COL9A3: variants seen among roughly 807,000 people sequenced by gnomAD.
The protein encoded by COL9A3 is collagen type IX alpha 3 chain.
A neutral mutation model predicts 110.2 loss-of-function variants in COL9A3; 82 were observed. The ratio of observed to expected loss-of-function variants is 0.74; its 90% CI spans 0.62 to 0.89. COL9A3 has a LOEUF of 0.89. Among genes scored for constraint, COL9A3 ranks in the 40% least tolerant of loss-of-function variants. The pLI, the probability that COL9A3 is intolerant of heterozygous loss-of-function variation, is 0.00. For synonymous variants in COL9A3, 494 were observed against 403.8 expected (o/e 1.22, Z -2.68); for missense variants, 1,066 against 981.3 (o/e 1.09, Z -1.15).
intron 31 of COL9A3, 111 bp from the exon 32 acceptor site, chr20:62,840,431 C>T (rs1205291057): frequency 1.8e-5 from 19 of 1,050,910 alleles, no homozygotes; most frequent in Non-Finnish European, 2.5e-5. Flanking sequence ...GGCCTCTCCC[C>T]AAGTGAAGAG....
At chr20:62,819,319 A>G (rs1048482123) in intron 4 of COL9A3, 26 bp downstream of exon 4, 6 of 1,597,720 alleles carry the variant, frequency 3.8e-6, no homozygotes, top group East Asian at 2.2e-5. Context: ...CCTCCCCGCC[A>G]TGCCCCACTC....
In COL9A3 at chr20:62,833,143, CAG is replaced by C. The variant is rs1051863993; in HGVS notation, c.1368+80_1368+81del. ...TGTGGCTGGGGAACAGTCCTGGGGA[CAG>C]GGTCAAAATCTGCAGCTCCCGGTGG... On this transcript the variant is annotated intron_variant, in intron 26 of 31. Transcript: ENST00000649368. 86 of 1,222,012 alleles carry C rather than the reference CAG, an allele frequency of 7.0e-5. No individual in the cohort carries two copies. The African/African-American group carries it at 8.4e-4, about 12-fold the overall frequency. 75.7% of individuals were successfully genotyped at this position (1,222,012 alleles called of 1,614,324 possible).
chr20:62,817,509 A>T, intron 1 of COL9A3, 58 bp from the exon 2 acceptor site: 1 of 1,240,418 alleles, frequency 8.1e-7, no homozygotes, highest in South Asian at 1.3e-5. Flanking sequence ...GGAGGAGGGG[A>T]CGCCGGGTCA....
At chr20:62,836,429 C>T (rs1325692030) in intron 28 of COL9A3, 49 bp from the exon 29 acceptor site, 1 of 1,613,560 alleles carries the variant, frequency 6.2e-7, no homozygotes, top group Non-Finnish European at 8.5e-7. Context: ...GGGAATGCCT[C>T]ACCGAGGCTG....
intron 25 of COL9A3, chr20:62,832,706 T>TGGGTGGGG: frequency 3.6e-5 from 13 of 361,642 alleles, no homozygotes; most frequent in East Asian, 1.3e-4. Context: ...GTGCCTGCTC[T>TGGGTGGGG]CACTTCTAGG....
intron 27 of COL9A3, 80 bp downstream of exon 27, chr20:62,836,033 G>A: frequency 6.2e-7 from 1 of 1,609,468 alleles, no homozygotes; most frequent in South Asian, 1.1e-5. Context: ...CAACCAGGCA[G>A]CCCTGCAGGG....
At chr20:62,839,995 T>C (rs1457590502) in intron 31 of COL9A3, among the ~76,000 whole-genome samples, 1 of 152,174 alleles carries the variant, frequency 6.6e-6, no homozygotes, top group Admixed American at 6.5e-5. Flanking sequence ...CCTGTGGCTC[T>C]GAACAGCATC....
At chr20:62,824,297 C>T (rs2063533465) in intron 10 of COL9A3, 148 bp from the exon 11 acceptor site, 2 of 795,708 alleles carry the variant, frequency 2.5e-6, no homozygotes, top group Admixed American at 2.0e-5. Flanking sequence ...GGAGTGGCCT[C>T]CTGGGGTCCT....
Position 62,817,604 on chromosome 20 carries a change from C to T in COL9A3, c.116C>T (p.Pro39Leu), listed in dbSNP as rs1028982816. 2 of 1,547,500 alleles carry T rather than the reference C, an allele frequency of 1.3e-6. No individual in the cohort carries two copies. Among genetic ancestry groups the T allele is most frequent in the South Asian group, 1.2e-5 (1 of 83,850 alleles). The change falls in exon 2 of 32, where the codon CCG becomes CTG. Residue 39 changes from proline to leucine, a missense_variant. Pro to Leu is a moderately conservative substitution (Grantham distance 98, BLOSUM62 -3). Transcript: ENST00000649368. Reference sequence around the variant, plus strand: ...CCCGGCCCCCCCGGCCCCCCAGGGCCGCCCGGGAAGCCCGGCCAGGACGGC... The same window carrying T: ...CCCGGCCCCCCCGGCCCCCCAGGGCTGCCCGGGAAGCCCGGCCAGGACGGC... ...GLPGPPGPPGPPGKPGQDGID... is the reference protein window; with the variant it reads ...GLPGPPGPPGLPGKPGQDGID...
chr20:62,825,511 A>T (rs1765549861), intron 12 of COL9A3: 1 of 522,880 alleles, frequency 1.9e-6, no homozygotes. Context: ...TGGAGTGATC[A>T]GATGAGGAGA....
chr20:62,826,425 A>G (rs1395342802), intron 14 of COL9A3, among the ~76,000 whole-genome samples, 168 bp downstream of exon 14: 1 of 152,134 alleles, frequency 6.6e-6, no homozygotes, highest in Non-Finnish European at 1.5e-5. Context: ...CTGTTCTCGC[A>G]TGTGCCTGGG....
In COL9A3 at chr20:62,821,867, G is replaced by T. The variant is rs1215040739; in HGVS notation, c.423+57G>T. The T allele has an allele frequency of 4.1e-6, 4 of 977,280 alleles. No homozygotes were observed. In the East Asian group the frequency reaches 9.9e-5, roughly 24 times the overall value. 60.5% of individuals were successfully genotyped at this position (977,280 alleles called of 1,614,324 possible). Reference sequence around the variant, plus strand: ...TGCTCACCTGTGGCCTCCACCCCCAGACTCAACAGCCAGGGGCTCCCTTCC... The same window carrying T: ...TGCTCACCTGTGGCCTCCACCCCCATACTCAACAGCCAGGGGCTCCCTTCC... On this transcript the variant is annotated intron_variant, in intron 8 of 31. Transcript: ENST00000649368.
intron 12 of COL9A3, among the ~76,000 whole-genome samples, chr20:62,825,288 A>C (rs1369939971): frequency 6.6e-6 from 1 of 151,940 alleles, no homozygotes; most frequent in Non-Finnish European, 1.5e-5. Context: ...GAGCTGGGTG[A>C]TTTAGGCAGG....
In COL9A3 at chr20:62,821,373, C is replaced by T. The variant is rs1307672383; in HGVS notation, c.346-134C>T. 3 of 1,377,756 alleles carry T rather than the reference C, an allele frequency of 2.2e-6. No homozygotes were observed. In the Admixed American group the frequency reaches 5.5e-5, roughly 25 times the overall value. The allele number at this position is 1,377,756 out of a possible 1,614,324, so 85.3% of individuals were successfully genotyped here. A position where few individuals can be genotyped will look rare whatever the true frequency, so the allele number is the denominator to read the frequency against. ...GGTGCCTGGATGGGGTCCTGGTGCC[C>T]TCTCTGGGCTGGGACCAGACACCCA... On this transcript the variant is annotated intron_variant, in intron 6 of 31. Transcript: ENST00000649368.
chr20:62,835,370 G>A (rs2063627074), intron 26 of COL9A3, among the ~76,000 whole-genome samples: 1 of 152,236 alleles, frequency 6.6e-6, no homozygotes, highest in Non-Finnish European at 1.5e-5. Flanking sequence ...AGAGAGAAAG[G>A]GGCCCAACCC....
intron 31 of COL9A3, 124 bp downstream of exon 31, chr20:62,838,885 T>TA (rs1215990530): frequency 1.2e-6 from 1 of 819,616 alleles, no homozygotes; most frequent in South Asian, 1.4e-5. Flanking sequence ...AAAGCAGTCT[T>TA]AGAGACAAGA....
chr20:62,818,361 C>T (rs1320522561), intron 2 of COL9A3, among the ~76,000 whole-genome samples, 157 bp from the exon 3 acceptor site: 3 of 152,240 alleles, frequency 2.0e-5, no homozygotes, highest in Non-Finnish European at 4.4e-5. Context: ...TGGGAGGGTG[C>T]CCTCTAGGTA....
intron 4 of COL9A3, among the ~76,000 whole-genome samples, chr20:62,819,524 C>A (rs1991050650): frequency 6.6e-6 from 1 of 152,214 alleles, no homozygotes; most frequent in African/African-American, 2.4e-5. Context: ...GCCAGCCCTC[C>A]TTGCTTGTCC....
intron 12 of COL9A3, chr20:62,825,479 C>T (rs1052032147): frequency 4.5e-6 from 2 of 440,674 alleles, no homozygotes; most frequent in African/African-American, 4.0e-5. Context: ...GGGACCAGGT[C>T]TGGGATGCCC....
Sources: gnomAD v4.1 joint callset for allele counts (sites outside exome capture counted in the v4.1 genomes callset) on GRCh38, gnomAD v4.1.1 for gene constraint, MANE v1.5 for transcripts, NCBI Gene and HGNC (gene_info 2026-07-23, HGNC 2026-07-21) for gene names.